The following RALYL variants were observed in gnomAD, a reference collection of about 807,000 sequenced individuals.
RALYL encodes the protein RNA-binding Raly-like protein.
RALYL carries 29 observed loss-of-function variants against 35.1 expected under a neutral mutation model. The observed-to-expected ratio is 0.83, with a 90% CI of 0.61 to 1.13. The LOEUF is 1.13. Among genes scored for constraint, RALYL ranks in the 50% most tolerant of loss-of-function variants. The pLI, the probability that RALYL is intolerant of heterozygous loss-of-function variation, is 0.00. For missense variants in RALYL, 359 were observed against 360.4 expected (o/e 1.00, Z 0.03); for synonymous variants, 120 against 127.6 (o/e 0.94, Z 0.40).
intron 5 of RALYL, among the ~76,000 whole-genome samples, chr8:84,860,287 T>C (rs906036611): frequency 1.3e-5 from 2 of 152,226 alleles, no homozygotes; most frequent in African/African-American, 2.4e-5. Flanking sequence ...TTGGCTTGTT[T>C]AGTGAACCTG....
chr8:84,730,810 A>T (rs1846027639), intron 2 of RALYL, among the ~76,000 whole-genome samples: 1 of 152,136 alleles, frequency 6.6e-6, no homozygotes, highest in Non-Finnish European at 1.5e-5. Flanking sequence ...AAGCAATGAC[A>T]CCGTTCATCA....
intron 2 of RALYL, among the ~76,000 whole-genome samples, chr8:84,571,601 T>G (rs1208982561): frequency 6.6e-6 from 1 of 151,738 alleles, no homozygotes; most frequent in African/African-American, 2.4e-5. Flanking sequence ...TTTTTTGGTC[T>G]CAGTCTCATT....
chr8:84,193,125 T>C (rs2130897176), intron 1 of RALYL, among the ~76,000 whole-genome samples: 1 of 152,266 alleles, frequency 6.6e-6, no homozygotes, highest in Admixed American at 6.5e-5. Context: ...TGCCCATGTT[T>C]AAGGTCATCT....
At chr8:84,285,375 A>G (rs1837392544) in intron 1 of RALYL, among the ~76,000 whole-genome samples, 1 of 152,218 alleles carries the variant, frequency 6.6e-6, no homozygotes, top group Admixed American at 6.5e-5. Context: ...TAAGTAATAT[A>G]TAGAGGGCTA....
intron 1 of RALYL, among the ~76,000 whole-genome samples, chr8:84,454,347 G>A (rs1824887): frequency 0.44 from 63,040 of 144,412 alleles, 13,198 homozygotes; most frequent in South Asian, 0.54. Flanking sequence ...TAAAAATCTG[G>A]TATCAGGTCA....
At chr8:84,759,937 C>T (rs983005678) in intron 2 of RALYL, among the ~76,000 whole-genome samples, 1 of 152,066 alleles carries the variant, frequency 6.6e-6, no homozygotes, top group Non-Finnish European at 1.5e-5. Context: ...TATGTCTCAG[C>T]CCTTTCAGGC....
In RALYL at chr8:84,850,033, T is replaced by C; in HGVS notation, c.413+6T>C. ...AGAGATGATTTCTACAATCGGTATG[T>C]GAATTTTTCATCCTTGTTTTCCTAT... On this transcript the variant is annotated splice_donor_region_variant and intron_variant, in intron 5 of 8. Coordinates refer to ENST00000521268, the MANE Select transcript of RALYL (RefSeq NM_173848.7). The C allele has an allele frequency of 6.9e-7, 1 of 1,455,402 alleles. No homozygotes were observed. The highest frequency in any genetic ancestry group is 1.5e-5 in the South Asian group (1 of 68,780). 90.2% of individuals were successfully genotyped at this position (1,455,402 alleles called of 1,614,324 possible).
intron 1 of RALYL, among the ~76,000 whole-genome samples, chr8:84,378,536 G>A (rs1284832740): frequency 6.6e-6 from 1 of 151,854 alleles, no homozygotes; most frequent in Non-Finnish European, 1.5e-5. Flanking sequence ...CAATAGATGT[G>A]TCTAGGAGAC....
chr8:84,387,980 G>T (rs937568100), intron 1 of RALYL, among the ~76,000 whole-genome samples: 2 of 151,736 alleles, frequency 1.3e-5, no homozygotes, highest in Non-Finnish European at 2.9e-5. Flanking sequence ...ATCTCCCAAT[G>T]CTATCCCTCC....
In RALYL at chr8:84,619,587, A is replaced by T. The variant is rs911906682; in HGVS notation, c.256+90010A>T. Among the ~76,000 whole-genome samples the T allele has an allele frequency of 4.1e-5, 6 of 146,852 alleles. No homozygotes were observed. The South Asian group carries it at 6.7e-4, about 16-fold the overall frequency. ...GTCTTTTAATTGGAGCATTTAGTCC[A>T]TTTACATTTAAAGTTAATATTGTTA... is the stretch of plus-strand genomic sequence containing the variant. On this transcript the variant is annotated intron_variant, in intron 2 of 8. Transcript: ENST00000521268.
At chr8:84,208,420 C>T (rs1043835940) in intron 1 of RALYL, among the ~76,000 whole-genome samples, 2 of 152,156 alleles carry the variant, frequency 1.3e-5, no homozygotes, top group Non-Finnish European at 2.9e-5. Flanking sequence ...TTTAGACCTA[C>T]TCTCAGCTTC....
chr8:84,538,697 T>A (rs1426065497), intron 2 of RALYL, among the ~76,000 whole-genome samples: 2 of 152,078 alleles, frequency 1.3e-5, no homozygotes, highest in Non-Finnish European at 2.9e-5. Context: ...AGATGATAAA[T>A]ACAAGATAAA....
intron 3 of RALYL, among the ~76,000 whole-genome samples, chr8:84,794,007 G>A (rs1245552608): frequency 6.6e-6 from 1 of 152,184 alleles, no homozygotes; most frequent in Non-Finnish European, 1.5e-5. Flanking sequence ...GTTTTATTAA[G>A]AGAAAGGATC....
intron 1 of RALYL, among the ~76,000 whole-genome samples, chr8:84,189,275 C>T (rs10099120): frequency 0.21 from 32,308 of 152,120 alleles, 5,247 homozygotes; most frequent in African/African-American, 0.45. Flanking sequence ...ATATGTTTGG[C>T]AAAATTCCAT....
At chr8:84,629,434 G>A (rs938799252) in intron 2 of RALYL, among the ~76,000 whole-genome samples, 2 of 152,010 alleles carry the variant, frequency 1.3e-5, no homozygotes, top group Non-Finnish European at 2.9e-5. Flanking sequence ...GAAAATAAGT[G>A]AGCAATACAA....
At chr8:84,835,748 G>A (rs1172774982) in intron 4 of RALYL, among the ~76,000 whole-genome samples, 1 of 151,472 alleles carries the variant, frequency 6.6e-6, no homozygotes, top group Non-Finnish European at 1.5e-5. Context: ...ATATGTTGAT[G>A]GATGGAGAGT....
chr8:84,828,020 T>C (rs1355215973), intron 4 of RALYL, among the ~76,000 whole-genome samples: 2 of 151,910 alleles, frequency 1.3e-5, no homozygotes, highest in Non-Finnish European at 2.9e-5. Flanking sequence ...TTTATTCTGC[T>C]TCTTTAAAAG....
At chr8:84,425,909 T>C (rs1282591704) in intron 1 of RALYL, among the ~76,000 whole-genome samples, 1 of 151,912 alleles carries the variant, frequency 6.6e-6, no homozygotes, top group Non-Finnish European at 1.5e-5. Flanking sequence ...ACAGCATTTT[T>C]GCAGCATCCC....
rs117869593 is a variant in RALYL at position 84,229,591 on chromosome 8, A to G, written c.-24+45167A>G. ...AGTCCTTTTTTTCATTCCAGCCTATAATAATAATTTGTGTAGCTGCCCACA... is the reference window on the plus strand; with the variant it reads ...AGTCCTTTTTTTCATTCCAGCCTATGATAATAATTTGTGTAGCTGCCCACA... On this transcript the variant is annotated intron_variant, in intron 1 of 8. Coordinates refer to ENST00000521268, the MANE Select transcript of RALYL (RefSeq NM_173848.7). Among the ~76,000 whole-genome samples the G allele has an allele frequency of 4.0e-3, 609 of 152,256 alleles. 1 individual carries two copies. Among genetic ancestry groups the G allele is most frequent in the Non-Finnish European group, 6.2e-3 (421 of 68,014 alleles).
Sources: gnomAD v4.1 joint callset for allele counts (sites outside exome capture counted in the v4.1 genomes callset) on GRCh38, gnomAD v4.1.1 for gene constraint, MANE v1.5 for transcripts, NCBI Gene and HGNC (gene_info 2026-07-23, HGNC 2026-07-21) for gene names.